WDR25: variants seen among roughly 807,000 people sequenced by gnomAD.
WDR25 encodes the protein WD repeat-containing protein 25.
Under a neutral mutation model 47.7 loss-of-function variants are expected in WDR25, and 35 were observed. That is an observed-to-expected ratio of 0.73 (90% confidence interval 0.56 to 0.97). The LOEUF is 0.97. Ranked by LOEUF, WDR25 falls within the 50% of genes least tolerant of loss-of-function variation. WDR25 has a pLI of 0.00. For missense variants in WDR25, 634 were observed against 704.7 expected (o/e 0.90, Z 1.14); for synonymous variants, 248 against 278.9 (o/e 0.89, Z 1.10).
intron 4 of WDR25, among the ~76,000 whole-genome samples, chr14:100,518,935 C>G (rs1901602597): frequency 6.6e-6 from 1 of 151,280 alleles, no homozygotes; most frequent in African/African-American, 2.4e-5. Context: ...AATATTTAAG[C>G]TTTTGATATT....
chr14:100,380,855 TA>T (rs1312765196), intron 1 of WDR25, 54 bp from the exon 2 acceptor site: 2 of 1,474,684 alleles, frequency 1.4e-6, no homozygotes. Context: ...TTCTTATAAC[TA>T]CATACATATT....
intron 3 of WDR25, among the ~76,000 whole-genome samples, chr14:100,483,464 C>T (rs923412702): frequency 1.3e-4 from 20 of 152,156 alleles, no homozygotes; most frequent in Admixed American, 9.2e-4. Context: ...TATCGCCCAG[C>T]ATCTCAGGCC....
chr14:100,461,391 A>T (rs1188833887), intron 2 of WDR25, among the ~76,000 whole-genome samples: 19 of 152,250 alleles, frequency 1.2e-4, no homozygotes, highest in Admixed American at 1.2e-3. Flanking sequence ...CATTTATATT[A>T]TCAAACTATG....
At chr14:100,526,114 G>A (rs1464377516) in intron 5 of WDR25, 74 bp downstream of exon 5, 10 of 1,527,122 alleles carry the variant, frequency 6.5e-6, no homozygotes, top group Non-Finnish European at 8.9e-6. Flanking sequence ...TCTGTCTGAG[G>A]TCCCAGGTCC....
intron 3 of WDR25, among the ~76,000 whole-genome samples, chr14:100,473,935 G>T (rs115113780): frequency 1.3e-5 from 2 of 152,240 alleles, no homozygotes; most frequent in Non-Finnish European, 2.9e-5. Flanking sequence ...GTAGAAGAAA[G>T]CTTGTGGGCA....
chr14:100,454,901 T>G (rs1344474748), intron 2 of WDR25: 1 of 158,876 alleles, frequency 6.3e-6, no homozygotes, highest in Non-Finnish European at 1.4e-5. Flanking sequence ...GAAATTTGAG[T>G]AGAGCCAGGT....
intron 2 of WDR25, among the ~76,000 whole-genome samples, chr14:100,391,391 C>A (rs572162171): frequency 6.6e-6 from 1 of 152,338 alleles, no homozygotes; most frequent in African/African-American, 2.4e-5. Flanking sequence ...CGGTCCCCGG[C>A]AGCCAGCTTC....
rs553554662 is a variant in WDR25 at position 100,404,039 on chromosome 14, A to T, written c.822+22293A>T. On this transcript the variant is annotated intron_variant, in intron 2 of 6. Transcript: ENST00000402312. The surrounding 1 kb of genome is among the most constrained non-coding windows in gnomAD (Gnocchi z 4.6). ...GTGGACTTTATCATGGGCTGTACCC[A>T]GTATCACAAGAGCTCAAGGTGGCTG... Among the ~76,000 whole-genome samples, 2 of 152,366 alleles carry T rather than the reference A, an allele frequency of 1.3e-5. No individual in the cohort carries two copies. Among genetic ancestry groups the T allele is most frequent in the South Asian group, 4.1e-4 (2 of 4,832 alleles).
chr14:100,388,690 A>G (rs1253105429), intron 2 of WDR25, among the ~76,000 whole-genome samples: 1 of 152,246 alleles, frequency 6.6e-6, no homozygotes, highest in East Asian at 1.9e-4. Flanking sequence ...CAGTTGCCTT[A>G]CAATCTTGTA....
Position 100,499,614 on chromosome 14 carries a change from A to G in WDR25, c.1101+15490A>G, listed in dbSNP as rs1900847968. On this transcript the variant is annotated intron_variant, in intron 4 of 6. Transcript: ENST00000402312. This position sits in a 1 kb window ranked among gnomAD's most constrained non-coding sequence, Gnocchi z 4.4. ...ATCCTGGAGGAAGGCACTGGTGCAGAGAGATGGGCTGGAGGTGGGGTGGTG... is the reference window on the plus strand; with the variant it reads ...ATCCTGGAGGAAGGCACTGGTGCAGGGAGATGGGCTGGAGGTGGGGTGGTG... Among the ~76,000 whole-genome samples the G allele has an allele frequency of 6.6e-6, 1 of 152,134 alleles. No individual in the cohort carries two copies. The highest frequency in any genetic ancestry group is 2.1e-4 in the South Asian group (1 of 4,834).
At chr14:100,483,119 A>T (rs1343829306) in intron 3 of WDR25, among the ~76,000 whole-genome samples, 4 of 152,184 alleles carry the variant, frequency 2.6e-5, no homozygotes, top group Non-Finnish European at 5.9e-5. Context: ...GTGTGGACAG[A>T]CAAGAATGAC....
chr14:100,441,291 A>G lies in WDR25; in HGVS notation c.823-26730A>G, dbSNP rs181347204. On this transcript the variant is annotated intron_variant, in intron 2 of 6. Coordinates refer to ENST00000402312, the MANE Select transcript of WDR25 (RefSeq NM_001161476.3). ...TGTCTCCTTGAAGGGTGGTCGCTGT[A>G]GAATGGGGGCTAGAAAGATGTTTAT... is the stretch of plus-strand genomic sequence containing the variant. 2.0e-5 allele frequency among the ~76,000 whole-genome samples: 3 copies of G among 152,316 alleles called. No homozygotes were observed. In the East Asian group the frequency reaches 5.8e-4, roughly 29 times the overall value.
intron 1 of WDR25, chr14:100,376,794 T>C (rs1595477566): frequency 1.7e-6 from 2 of 1,193,496 alleles, no homozygotes; most frequent in African/African-American, 3.1e-5. Context: ...AGACCCAGCA[T>C]AGGGCTTGAC....
chr14:100,382,677 C>T (rs1896933107), intron 2 of WDR25, among the ~76,000 whole-genome samples: 4 of 152,226 alleles, frequency 2.6e-5, no homozygotes, highest in Admixed American at 2.0e-4. Context: ...CCTCTCTCTC[C>T]TCGCAGCTAG....
At chr14:100,451,810 T>C (rs1044192779) in intron 2 of WDR25, among the ~76,000 whole-genome samples, 1 of 152,204 alleles carries the variant, frequency 6.6e-6, no homozygotes, top group African/African-American at 2.4e-5. Context: ...TGAGAATTAA[T>C]TATTTACTCT....
intron 4 of WDR25, among the ~76,000 whole-genome samples, chr14:100,487,099 G>T (rs1900411982): frequency 6.6e-6 from 1 of 152,062 alleles, no homozygotes; most frequent in South Asian, 2.1e-4. Context: ...TTCTTTGTTA[G>T]TGCAGACCCT....
In WDR25 at chr14:100,488,148, G is replaced by A. The variant is rs1183551765; in HGVS notation, c.1101+4024G>A. 2.0e-5 allele frequency among the ~76,000 whole-genome samples: 3 copies of A among 152,186 alleles called. No homozygotes were observed. Among genetic ancestry groups the A allele is most frequent in the East Asian group, 1.9e-4 (1 of 5,172 alleles). Reference sequence around the variant, plus strand: ...TGATCTTGGGTGATCTCTCCGCCTCGGGTTTGATGTTTGTAGCACATCTCA... The same window carrying A: ...TGATCTTGGGTGATCTCTCCGCCTCAGGTTTGATGTTTGTAGCACATCTCA... On this transcript the variant is annotated intron_variant, in intron 4 of 6. Coordinates refer to ENST00000402312, the MANE Select transcript of WDR25 (RefSeq NM_001161476.3). This position sits in a 1 kb window ranked among gnomAD's most constrained non-coding sequence, Gnocchi z 4.2.
intron 4 of WDR25, among the ~76,000 whole-genome samples, chr14:100,512,646 C>A (rs1166101544): frequency 6.6e-6 from 1 of 151,932 alleles, no homozygotes; most frequent in African/African-American, 2.4e-5. Context: ...ATTTAATTTT[C>A]TTTTTCTAGT....
In WDR25 at chr14:100,499,070, C is replaced by T. The variant is rs1374401269; in HGVS notation, c.1101+14946C>T. 2.0e-5 allele frequency among the ~76,000 whole-genome samples: 3 copies of T among 152,072 alleles called. No homozygotes were observed. Among genetic ancestry groups the T allele is most frequent in the East Asian group, 3.9e-4 (2 of 5,192 alleles). Reference sequence around the variant, plus strand: ...GTGAGGTGGTTGTTCTCTAGATGTTCGTTTTGATTAGAAAAGGAATACATG... The same window carrying T: ...GTGAGGTGGTTGTTCTCTAGATGTTTGTTTTGATTAGAAAAGGAATACATG... On this transcript the variant is annotated intron_variant, in intron 4 of 6. Coordinates refer to ENST00000402312, the MANE Select transcript of WDR25 (RefSeq NM_001161476.3). The surrounding 1 kb of genome is among the most constrained non-coding windows in gnomAD (Gnocchi z 4.4).
Sources: allele counts gnomAD v4.1 joint callset (sites outside exome capture counted in the v4.1 genomes callset), GRCh38; gene constraint gnomAD v4.1.1; non-coding constraint Gnocchi (gnomAD v3.1); transcripts MANE v1.5; gene names NCBI Gene and HGNC (gene_info 2026-07-23, HGNC 2026-07-21).